SH3PXD2A: variants seen among roughly 807,000 people sequenced by gnomAD.
The protein encoded by SH3PXD2A is SH3 and PX domain-containing protein 2A.
In SH3PXD2A, 32 loss-of-function variants were observed where a neutral mutation model predicts 115.2. That is an observed-to-expected ratio of 0.28 (90% CI 0.21 to 0.37). The LOEUF (loss-of-function observed/expected upper bound fraction) is 0.37, where lower values mean the gene tolerates loss of function less well. SH3PXD2A is among the 10% of genes least tolerant of loss of function. The pLI is 1.00. For synonymous variants in SH3PXD2A, 610 were observed against 629.1 expected, an observed-to-expected ratio of 0.97 and a Z score of 0.45; for missense variants, 1,328 against 1,498.7, an observed-to-expected ratio of 0.89 and a Z score of 1.88.
At chr10:103,604,114 C>T (rs1287097870) in intron 14 of SH3PXD2A, among the ~76,000 whole-genome samples, 1 of 152,208 alleles carries the variant, frequency 6.6e-6, no homozygotes, top group East Asian at 1.9e-4. Context: ...TACAATCCTG[C>T]CAGTAGACTA....
intron 1 of SH3PXD2A, among the ~76,000 whole-genome samples, chr10:103,828,117 T>C (rs2039448230): frequency 6.6e-6 from 1 of 152,236 alleles, no homozygotes; most frequent in Non-Finnish European, 1.5e-5. Flanking sequence ...AATAAGATGC[T>C]ACAGTTCTCT....
chr10:103,730,080 G>A (rs1163547187), intron 4 of SH3PXD2A, among the ~76,000 whole-genome samples: 1 of 152,200 alleles, frequency 6.6e-6, no homozygotes. Context: ...GCCTCGAAAC[G>A]GTCATCCTCC....
At chr10:103,704,908 T>C (rs1161434861) in intron 5 of SH3PXD2A, among the ~76,000 whole-genome samples, 1 of 152,182 alleles carries the variant, frequency 6.6e-6, no homozygotes, top group Non-Finnish European at 1.5e-5. Flanking sequence ...GGCAGCCCTC[T>C]CTGTGCCTTA....
At chr10:103,652,752 G>A (rs963984320) in intron 8 of SH3PXD2A, among the ~76,000 whole-genome samples, 3 of 152,126 alleles carry the variant, frequency 2.0e-5, no homozygotes, top group Non-Finnish European at 4.4e-5. Context: ...GAGGACAAAG[G>A]CAGTGTCTGT....
intron 5 of SH3PXD2A, among the ~76,000 whole-genome samples, chr10:103,700,713 T>C (rs1464773624): frequency 6.6e-6 from 1 of 151,990 alleles, no homozygotes; most frequent in Non-Finnish European, 1.5e-5. Context: ...TGCCATGGAG[T>C]GCTAGGAGCT....
intron 2 of SH3PXD2A, among the ~76,000 whole-genome samples, chr10:103,791,049 G>A (rs1353293446): frequency 6.6e-6 from 1 of 152,222 alleles, no homozygotes; most frequent in Non-Finnish European, 1.5e-5. Context: ...ATGCCCCCAA[G>A]GCTCCTAGCA....
At chr10:103,660,959 A>G (rs761224124) in intron 8 of SH3PXD2A, 24 bp downstream of exon 8, 1 of 1,612,948 alleles carries the variant, frequency 6.2e-7, no homozygotes, top group South Asian at 1.1e-5. Context: ...ACCCCAGTGG[A>G]CGGCCATTGG....
chr10:103,833,472 T>C (rs762035), intron 1 of SH3PXD2A, among the ~76,000 whole-genome samples: 102,757 of 151,404 alleles, frequency 0.68, 35,995 homozygotes, highest in Non-Finnish European at 0.77. Context: ...TATATATATA[T>C]ATTTATATCT....
In SH3PXD2A at chr10:103,735,718, AGAT is replaced by A; in HGVS notation, c.306+11_306+13del. 4.0e-6 allele frequency: 4 copies of A among 1,000,110 alleles called. No homozygotes were observed. Among genetic ancestry groups the A allele is most frequent in the Non-Finnish European group, 5.9e-6 (4 of 675,046 alleles). 62.0% of individuals were successfully genotyped at this position (1,000,110 alleles called of 1,614,324 possible). On this transcript the variant is annotated intron_variant, in intron 4 of 14. Coordinates refer to ENST00000369774, the MANE Select transcript of SH3PXD2A (RefSeq NM_001394015.1). ...CTCCCCGAGCCCCTCCCCCAGCCCCAGATACACTCTCACCCGGCAGTATTCATC... is the reference window on the plus strand; with the variant it reads ...CTCCCCGAGCCCCTCCCCCAGCCCCAACACTCTCACCCGGCAGTATTCATC...
At chr10:103,611,687 A>G (rs2036431633) in intron 12 of SH3PXD2A, 57 bp from the exon 13 acceptor site, 3 of 1,359,204 alleles carry the variant, frequency 2.2e-6, no homozygotes, top group Non-Finnish European at 3.2e-6. Flanking sequence ...AACAGTACCC[A>G]TACCTGCCTT....
rs146644891 is a variant in SH3PXD2A at position 103,806,491 on chromosome 10, A to T, written c.73-5129T>A. On this transcript the variant is annotated intron_variant, in intron 1 of 14. Transcript: ENST00000369774. ...CAGAGAGAAACCACAGAGAAAGAAC[A>T]GGTGACAGGGAAGGGGGACAGGGCA... 7.1e-3 allele frequency among the ~76,000 whole-genome samples: 1,077 copies of T among 152,250 alleles called. 7 individuals carry two copies. Among genetic ancestry groups the T allele is most frequent in the South Asian group, 0.022 (107 of 4,812 alleles).
At chr10:103,643,616 C>T (rs2036987849) in intron 8 of SH3PXD2A, among the ~76,000 whole-genome samples, 2 of 152,180 alleles carry the variant, frequency 1.3e-5, no homozygotes, top group South Asian at 2.1e-4. Flanking sequence ...CATCAGCCAG[C>T]GTCTGACAGA....
chr10:103,721,490 G>A (rs149214503), intron 5 of SH3PXD2A, among the ~76,000 whole-genome samples: 44 of 152,346 alleles, frequency 2.9e-4, no homozygotes, highest in African/African-American at 9.9e-4. Flanking sequence ...AAGTGAGGCC[G>A]ACGGATTCAG....
Position 103,855,369 on chromosome 10 carries a change from C to A in SH3PXD2A, c.-103G>T, listed in dbSNP as rs537357284. 231 of 865,594 alleles carry A rather than the reference C, an allele frequency of 2.7e-4. 2 individuals carry two copies. The highest frequency in any genetic ancestry group is 1.3e-4 in the Non-Finnish European group (76 of 607,692). The allele number at this position is 865,594 out of a possible 1,614,324, so 53.6% of individuals were successfully genotyped here. Reference sequence around the variant, plus strand: ...GCCGGGGTCCCGGGGCCGCCCGCCACCCCGGCCCGGCGCGCCGAACGCTGC... The same window carrying A: ...GCCGGGGTCCCGGGGCCGCCCGCCAACCCGGCCCGGCGCGCCGAACGCTGC... On this transcript the variant is annotated 5_prime_UTR_variant, in exon 1 of 15. Transcript: ENST00000369774.
intron 8 of SH3PXD2A, among the ~76,000 whole-genome samples, chr10:103,631,915 C>T (rs1199373322): frequency 1.3e-5 from 2 of 152,016 alleles, no homozygotes; most frequent in African/African-American, 2.4e-5. Context: ...CCCAGGAGTT[C>T]CAGACCAGCC....
chr10:103,842,124 C>CAA lies in SH3PXD2A; in HGVS notation c.72+13069_72+13070dup, dbSNP rs541852028. Among the ~76,000 whole-genome samples the CAA allele has an allele frequency of 4.5e-3, 397 of 89,016 alleles. 9 individuals carry two copies. In the East Asian group the frequency reaches 0.051, roughly 11 times the overall value. The allele number at this position is 89,016 out of a possible 152,430, so 58.4% of individuals were successfully genotyped here. ...TGGGCGACAGAGCGAGACTCCGTCT[C>CAA]AAAAAAAAAAAAAAAAAAAGCACAG... On this transcript the variant is annotated intron_variant, in intron 1 of 14. Coordinates refer to ENST00000369774, the MANE Select transcript of SH3PXD2A (RefSeq NM_001394015.1).
intron 5 of SH3PXD2A, among the ~76,000 whole-genome samples, chr10:103,704,220 C>T (rs1368050834): frequency 6.6e-6 from 1 of 152,060 alleles, no homozygotes; most frequent in African/African-American, 2.4e-5. Context: ...ATGGGCTTGG[C>T]CAAAGGAGGG....
At chr10:103,783,074 G>A (rs1156900612) in intron 2 of SH3PXD2A, among the ~76,000 whole-genome samples, 2 of 152,270 alleles carry the variant, frequency 1.3e-5, no homozygotes, top group Middle Eastern at 3.4e-3. Context: ...GCAGCACTGC[G>A]CTTGGTGCCC....
chr10:103,839,779 G>T (rs1427253590), intron 1 of SH3PXD2A, among the ~76,000 whole-genome samples: 1 of 152,228 alleles, frequency 6.6e-6, no homozygotes, highest in African/African-American at 2.4e-5. Flanking sequence ...TTGAGGCTCA[G>T]CATTAAACTA....
Sources: allele counts gnomAD v4.1 joint callset (sites outside exome capture counted in the v4.1 genomes callset), GRCh38; gene constraint gnomAD v4.1.1; transcripts MANE v1.5; gene names NCBI Gene and HGNC (gene_info 2026-07-23, HGNC 2026-07-21).